PLPP4: variants seen among roughly 807,000 people sequenced by gnomAD.
PLPP4 encodes the protein phospholipid phosphatase 4.
PLPP4 carries 20 observed loss-of-function variants against 32.2 expected under a neutral mutation model. The observed-to-expected ratio is 0.62, with a 90% CI of 0.44 to 0.90. The LOEUF is 0.90. Ranked by LOEUF, PLPP4 falls within the 40% of genes least tolerant of loss-of-function variation. PLPP4 has a pLI of 0.00. For missense variants in PLPP4, 257 were observed against 353.1 expected, an observed-to-expected ratio of 0.73 and a Z score of 2.18; for synonymous variants, 127 against 133.0, an observed-to-expected ratio of 0.95 and a Z score of 0.31.
At chr10:120,478,060 T>C (rs1253169499) in intron 1 of PLPP4, among the ~76,000 whole-genome samples, 1 of 152,206 alleles carries the variant, frequency 6.6e-6, no homozygotes, top group Non-Finnish European at 1.5e-5. Context: ...ACCAGATCCC[T>C]GGAATGGGTG....
intron 5 of PLPP4, among the ~76,000 whole-genome samples, chr10:120,535,556 C>G (rs920912918): frequency 1.3e-5 from 2 of 151,934 alleles, no homozygotes; most frequent in African/African-American, 4.8e-5. Context: ...TGATAGTCTT[C>G]AACTATGATT....
chr10:120,582,792 TCCC>T (rs1849578146), intron 6 of PLPP4, among the ~76,000 whole-genome samples: 1 of 50,644 alleles, frequency 2.0e-5, no homozygotes, highest in East Asian at 6.8e-4. Flanking sequence ...CCTCCCTCCC[TCCC>T]TCCCTCCCTT....
In PLPP4 at chr10:120,575,273, C is replaced by T; in HGVS notation, c.588C>T (p.Arg196=). 1 of 1,614,038 alleles carries T rather than the reference C, an allele frequency of 6.2e-7. No homozygotes were observed. The highest frequency in any genetic ancestry group is 1.1e-5 in the South Asian group (1 of 91,068). The change falls in exon 6 of 7, where the codon CGC becomes CGT. Residue 196 remains arginine, a synonymous_variant. Coordinates refer to ENST00000398250, the MANE Select transcript of PLPP4 (RefSeq NM_001030059.3). Reference sequence around the variant, plus strand: ...GCGCCATGATGATTGCCCTGTCCCGCATGTGCGACTACAAGCATCACTGGC... The same window carrying T: ...GCGCCATGATGATTGCCCTGTCCCGTATGTGCGACTACAAGCATCACTGGC... ...LYCAMMIALS[R]MCDYKHHWQD...
chr10:120,530,130 T>C (rs914972334), intron 5 of PLPP4, among the ~76,000 whole-genome samples: 1 of 152,246 alleles, frequency 6.6e-6, no homozygotes, highest in Non-Finnish European at 1.5e-5. Flanking sequence ...ATGATGATTC[T>C]TAAAGTTATT....
intron 1 of PLPP4, among the ~76,000 whole-genome samples, chr10:120,480,337 A>G (rs1033517653): frequency 1.3e-5 from 2 of 152,338 alleles, no homozygotes; most frequent in East Asian, 1.9e-4. Context: ...CATCTGGTGC[A>G]GGCTGGGGAG....
chr10:120,465,281 C>T (rs566645059), intron 1 of PLPP4, among the ~76,000 whole-genome samples: 1 of 152,272 alleles, frequency 6.6e-6, no homozygotes, highest in African/African-American at 2.4e-5. Flanking sequence ...CCAGTGGGCC[C>T]TTGTCGTCAT....
At chr10:120,493,734 C>T (rs1325243393) in intron 1 of PLPP4, among the ~76,000 whole-genome samples, 1 of 152,052 alleles carries the variant, frequency 6.6e-6, no homozygotes, top group Non-Finnish European at 1.5e-5. Context: ...TACACGTTCT[C>T]GTCGAGGGAG....
Position 120,459,078 on chromosome 10 carries a change from G to A in PLPP4, c.56+1717G>A, listed in dbSNP as rs919051305. On this transcript the variant is annotated intron_variant, in intron 1 of 6. Coordinates refer to ENST00000398250, the MANE Select transcript of PLPP4 (RefSeq NM_001030059.3). ...CAATATCCCCCCCAAATATTTATGA[G>A]ATGTTTACAGATATACAATGGTCTA... 3.9e-5 allele frequency among the ~76,000 whole-genome samples: 6 copies of A among 152,300 alleles called. No homozygotes were observed. In the South Asian group the frequency reaches 8.3e-4, roughly 21 times the overall value.
intron 1 of PLPP4, among the ~76,000 whole-genome samples, chr10:120,487,727 G>T (rs2901241): frequency 0.44 from 67,193 of 151,900 alleles, 14,994 homozygotes; most frequent in East Asian, 0.69. Flanking sequence ...CATAGCATTT[G>T]GACAGAAAAA....
At chr10:120,498,310 A>G in intron 1 of PLPP4, among the ~76,000 whole-genome samples, 1 of 152,200 alleles carries the variant, frequency 6.6e-6, no homozygotes, top group Non-Finnish European at 1.5e-5. Context: ...TAATGGGGGA[A>G]GTCCATGATT....
intron 5 of PLPP4, among the ~76,000 whole-genome samples, chr10:120,535,210 A>G (rs1846960748): frequency 6.6e-6 from 1 of 152,096 alleles, no homozygotes; most frequent in African/African-American, 2.4e-5. Flanking sequence ...CATTTTCTAC[A>G]TTCCTTTGTG....
chr10:120,458,813 G>A (rs1290589634), intron 1 of PLPP4, among the ~76,000 whole-genome samples: 3 of 152,208 alleles, frequency 2.0e-5, no homozygotes, highest in Admixed American at 6.5e-5. Flanking sequence ...GATGGGGACA[G>A]TTTCTAATTG....
intron 2 of PLPP4, among the ~76,000 whole-genome samples, chr10:120,507,614 T>A (rs1845558177): frequency 6.6e-6 from 1 of 152,164 alleles, no homozygotes; most frequent in African/African-American, 2.4e-5. Flanking sequence ...GAGTGCAAAC[T>A]CTCACTTGGA....
At chr10:120,504,583 AGAAGCTATTATTCC>A (rs1342033412) in intron 2 of PLPP4, among the ~76,000 whole-genome samples, 1 of 152,236 alleles carries the variant, frequency 6.6e-6, no homozygotes, top group Non-Finnish European at 1.5e-5. Flanking sequence ...CTTTAGAGTA[AGAAGCTATTATTCC>A]TAGTGCCTAT....
intron 1 of PLPP4, among the ~76,000 whole-genome samples, chr10:120,488,997 T>G (rs572207959): frequency 8.5e-5 from 13 of 152,188 alleles, no homozygotes; most frequent in Admixed American, 2.0e-4. Flanking sequence ...AGCAGCTTCT[T>G]GGCAGGTAAG....
At chr10:120,565,598 T>G (rs141330514) in intron 5 of PLPP4, among the ~76,000 whole-genome samples, 11 of 152,316 alleles carry the variant, frequency 7.2e-5, no homozygotes, top group Non-Finnish European at 1.5e-4. Context: ...CTTTAACAAC[T>G]TGCTTCTCTT....
intron 5 of PLPP4, among the ~76,000 whole-genome samples, chr10:120,542,044 T>G (rs1847369900): frequency 6.6e-6 from 1 of 152,212 alleles, no homozygotes; most frequent in South Asian, 2.1e-4. Context: ...AAAGTCAGTG[T>G]GTACTTCAAA....
At chr10:120,471,292 T>C (rs1031906103) in intron 1 of PLPP4, among the ~76,000 whole-genome samples, 2 of 152,122 alleles carry the variant, frequency 1.3e-5, no homozygotes, top group Non-Finnish European at 2.9e-5. Flanking sequence ...ACTTATTATG[T>C]GTTTTCTTTT....
chr10:120,575,277 T>C lies in PLPP4; in HGVS notation c.592T>C (p.Cys198Arg). ...CAMMIALSRM[C>R]DYKHHWQDSF... The stretch of plus-strand genomic sequence containing the variant: ...CATGATGATTGCCCTGTCCCGCATG[T>C]GCGACTACAAGCATCACTGGCAAGG... The change falls in exon 6 of 7, where the codon TGC becomes CGC. Residue 198 changes from cysteine to arginine, a missense_variant. Physicochemically the swap from Cys to Arg is radical, Grantham distance 180. Transcript: ENST00000398250. The C allele has an allele frequency of 6.2e-7, 1 of 1,613,892 alleles. No homozygotes were observed. The highest frequency in any genetic ancestry group is 2.2e-5 in the East Asian group (1 of 44,886).
Sources: allele counts gnomAD v4.1 joint callset (sites outside exome capture counted in the v4.1 genomes callset), GRCh38; gene constraint gnomAD v4.1.1; transcripts MANE v1.5; gene names NCBI Gene and HGNC (gene_info 2026-07-23, HGNC 2026-07-21).